KLRG1: variants seen among roughly 807,000 people sequenced by gnomAD.
KLRG1 encodes killer cell lectin like receptor G1, also known as killer cell lectin-like receptor subfamily G member 1.
A neutral mutation model predicts 21.8 loss-of-function variants in KLRG1; 16 were observed. That is an observed-to-expected ratio of 0.73 (90% CI 0.50 to 1.11). The LOEUF (loss-of-function observed/expected upper bound fraction) is 1.11, where lower values mean the gene tolerates loss of function less well. Among genes scored for constraint, KLRG1 ranks in the 50% most tolerant of loss-of-function variants. The probability of loss-of-function intolerance (pLI) is 0.00; values close to 1 mark genes in which losing one functional copy is unlikely to be tolerated. For missense variants in KLRG1, 173 were observed against 218.3 expected, an observed-to-expected ratio of 0.79 and a Z score of 1.31; for synonymous variants, 69 against 75.9, an observed-to-expected ratio of 0.91 and a Z score of 0.47.
At chr12:9,029,195 G>A in the KLRG1 span, 7 of 196,166 alleles carry the variant, frequency 3.6e-5, 1 homozygote, top group Middle Eastern at 0.014. Flanking sequence ...AATACATTGT[G>A]TGTGTTTTTT....
the KLRG1 span, among the ~76,000 whole-genome samples, chr12:9,148,186 G>A: frequency 6.6e-6 from 1 of 152,102 alleles, no homozygotes; most frequent in African/African-American, 2.4e-5. Context: ...GAATGGTTAA[G>A]TCAAGCTAAT....
the KLRG1 span, among the ~76,000 whole-genome samples, chr12:9,121,402 G>T: frequency 6.6e-6 from 1 of 152,098 alleles, no homozygotes; most frequent in African/African-American, 2.4e-5. This position sits in a 1 kb window ranked among gnomAD's most constrained non-coding sequence, Gnocchi z 4.4. Context: ...TTAGCTGGGT[G>T]TGGTGGCGTG....
At chr12:9,203,840 A>C in the KLRG1 span, 1 of 1,614,142 alleles carries the variant, frequency 6.2e-7, no homozygotes, top group Middle Eastern at 1.7e-4. Flanking sequence ...TTTCCCTGCC[A>C]GACTCCAAGG....
chr12:9,212,738 G>GAA, the KLRG1 span, among the ~76,000 whole-genome samples: 35 of 148,202 alleles, frequency 2.4e-4, no homozygotes, highest in Non-Finnish European at 4.0e-4. Flanking sequence ...CATTGAATCT[G>GAA]AAAAAAAAAA....
At chr12:9,007,889 T>C (rs776560477) in intron 3 of KLRG1, among the ~76,000 whole-genome samples, 1 of 152,340 alleles carries the variant, frequency 6.6e-6, no homozygotes, top group African/African-American at 2.4e-5. Context: ...ACAACAAAAT[T>C]ACCTTGGATT....
chr12:8,966,158 A>C (rs916469243), intron 1 of KLRG1, among the ~76,000 whole-genome samples: 7 of 152,144 alleles, frequency 4.6e-5, no homozygotes, highest in Non-Finnish European at 1.0e-4. Flanking sequence ...AAACTGGATC[A>C]CTTCCTTACA....
chr12:9,040,836 T>C, the KLRG1 span, among the ~76,000 whole-genome samples: 1 of 152,256 alleles, frequency 6.6e-6, no homozygotes, highest in East Asian at 1.9e-4. Context: ...CAACTGCTTA[T>C]TAAACGGTTC....
chr12:9,066,800 C>T, the KLRG1 span: 27 of 152,306 alleles, frequency 1.8e-4, no homozygotes, highest in African/African-American at 6.0e-4. Context: ...TTAGTTTATA[C>T]AATCCATACT....
chr12:8,977,265 G>A (rs762743323), intron 1 of KLRG1, among the ~76,000 whole-genome samples: 20 of 150,470 alleles, frequency 1.3e-4, no homozygotes, highest in Admixed American at 6.6e-4. Flanking sequence ...GTGCAGTGGC[G>A]TGATCTCGGC....
At chr12:8,974,623 G>C (rs1048516614) in intron 1 of KLRG1, among the ~76,000 whole-genome samples, 1 of 152,138 alleles carries the variant, frequency 6.6e-6, no homozygotes, top group Non-Finnish European at 1.5e-5. Context: ...CATCTATTGA[G>C]ATAATCAAAA....
chr12:9,215,230 C>A, the KLRG1 span, among the ~76,000 whole-genome samples: 3 of 151,808 alleles, frequency 2.0e-5, no homozygotes, highest in Non-Finnish European at 4.4e-5. Context: ...AACAATGGAC[C>A]CTTGAATTGA....
chr12:9,042,549 T>G, the KLRG1 span, among the ~76,000 whole-genome samples: 3 of 152,192 alleles, frequency 2.0e-5, no homozygotes, highest in Non-Finnish European at 4.4e-5. Flanking sequence ...AAAGGCTTCT[T>G]AGAAACTTAA....
chr12:9,135,875 C>G, the KLRG1 span, among the ~76,000 whole-genome samples: 1 of 152,276 alleles, frequency 6.6e-6, no homozygotes, highest in South Asian at 2.1e-4. Context: ...ATTTTTACAT[C>G]AATTCCTTTA....
At chr12:9,075,646 CTT>C in the KLRG1 span, among the ~76,000 whole-genome samples, 1 of 152,108 alleles carries the variant, frequency 6.6e-6, no homozygotes, top group Non-Finnish European at 1.5e-5. Flanking sequence ...AAATGTTTCT[CTT>C]GTTTCTTGAA....
At chr12:9,112,726 G>A in the KLRG1 span, 1 of 588,622 alleles carries the variant, frequency 1.7e-6, no homozygotes, top group Non-Finnish European at 3.0e-6. Flanking sequence ...GACACAAGGT[G>A]GAGGAAAATA....
At chr12:9,024,462 T>G in the KLRG1 span, among the ~76,000 whole-genome samples, 1,545 of 152,354 alleles carry the variant, frequency 0.01, 22 homozygotes, top group African/African-American at 0.034. Flanking sequence ...AACTTTGTTT[T>G]TCTTTTTAAA....
At chr12:9,057,603 G>T in the KLRG1 span, 53,781 of 152,256 alleles carry the variant, frequency 0.35, 9,870 homozygotes, top group African/African-American at 0.39. Flanking sequence ...GTTTATCTAG[G>T]ATTCTGTTTT....
upstream of KLRG1, among the ~76,000 whole-genome samples, chr12:8,988,651 G>T (rs1028218103): frequency 1.3e-5 from 2 of 151,968 alleles, no homozygotes; most frequent in Non-Finnish European, 2.9e-5. Context: ...TGCAGTCTCG[G>T]CTCGCTGCAA....
At position 8,990,770 on chromosome 12, in the gene KLRG1, ATTTAC is replaced by A. The variant is rs1010215034; in HGVS notation, c.82+1061_82+1065del. Among the ~76,000 whole-genome samples, 56 of 152,258 alleles carry A rather than the reference ATTTAC, an allele frequency of 3.7e-4. 1 individual carries two copies. Among genetic ancestry groups the A allele is most frequent in the African/African-American group, 1.3e-3 (54 of 41,562 alleles). On this transcript the variant is annotated intron_variant, in intron 1 of 4. Coordinates refer to ENST00000356986, the MANE Select transcript of KLRG1 (RefSeq NM_005810.4). ...TATATACTTAAAGTAAATTTTAAAAATTTACTTTACTTCTTGAATTGGCTTGTGGT... is the reference window on the plus strand; with the variant it reads ...TATATACTTAAAGTAAATTTTAAAAATTTACTTCTTGAATTGGCTTGTGGT...
Sources: allele counts gnomAD v4.1 joint callset (sites outside exome capture counted in the v4.1 genomes callset), GRCh38; gene constraint gnomAD v4.1.1; non-coding constraint Gnocchi (gnomAD v3.1); transcripts MANE v1.5; gene names NCBI Gene and HGNC (gene_info 2026-07-23, HGNC 2026-07-21).